MYO5A: variants seen among roughly 807,000 people sequenced by gnomAD.
MYO5A encodes the protein unconventional myosin-Va.
A neutral mutation model predicts 249.7 loss-of-function variants in MYO5A; 98 were observed. The observed-to-expected ratio is 0.39, with a 90% CI of 0.33 to 0.46. The LOEUF (loss-of-function observed/expected upper bound fraction) is 0.46, where lower values mean the gene tolerates loss of function less well. Ranked by LOEUF, MYO5A falls within the 20% of genes least tolerant of loss-of-function variation. MYO5A has a pLI of 0.98. For synonymous variants in MYO5A, 778 were observed against 810.6 expected (o/e 0.96, Z 0.68); for missense variants, 1,696 against 2,308.8 (o/e 0.73, Z 5.44).
intron 1 of MYO5A, among the ~76,000 whole-genome samples, chr15:52,495,905 G>C (rs946183086): frequency 6.6e-6 from 1 of 151,924 alleles, no homozygotes; most frequent in African/African-American, 2.4e-5. Flanking sequence ...CCTCAGGGTG[G>C]GGAACATCAC....
At chr15:52,366,229 C>T (rs561975303) in intron 23 of MYO5A, among the ~76,000 whole-genome samples, 3 of 152,284 alleles carry the variant, frequency 2.0e-5, no homozygotes, top group African/African-American at 7.2e-5. Flanking sequence ...ATTAATTTGC[C>T]TCATAAATGT....
At chr15:52,505,263 C>T in intron 1 of MYO5A, 1 of 775,914 alleles carries the variant, frequency 1.3e-6, no homozygotes, top group South Asian at 1.3e-5. Flanking sequence ...AGAGCTACAT[C>T]AAGGGGTATG....
chr15:52,313,875 C>T, intron 41 of MYO5A, 27 bp from the exon 42 acceptor site: 7 of 1,612,358 alleles, frequency 4.3e-6, no homozygotes, highest in Non-Finnish European at 5.9e-6. Context: ...AAAAAATAAA[C>T]AGAGCATCAG....
chr15:52,349,975 C>CA (rs1305899494), intron 28 of MYO5A, among the ~76,000 whole-genome samples: 1 of 152,230 alleles, frequency 6.6e-6, no homozygotes, highest in African/African-American at 2.4e-5. Flanking sequence ...CTCTATCGCC[C>CA]AGGCGGGAGC....
At chr15:52,333,967 T>C (rs934274986) in intron 34 of MYO5A, among the ~76,000 whole-genome samples, 1 of 152,246 alleles carries the variant, frequency 6.6e-6, no homozygotes, top group Non-Finnish European at 1.5e-5. Flanking sequence ...CATAAATCTA[T>C]TTCATTTCAT....
Position 52,405,404 on chromosome 15 carries a change from A to C in MYO5A, c.947-11T>G. The C allele has an allele frequency of 6.4e-7, 1 of 1,554,490 alleles. No individual in the cohort carries two copies. The highest frequency in any genetic ancestry group is 1.4e-5 in the African/African-American group (1 of 73,760). On this transcript the variant is annotated splice_polypyrimidine_tract_variant and intron_variant, in intron 8 of 41. Transcript: ENST00000399233. ...GAGATTCACTAATTCCTGAAACAAG[A>C]GAGTGAATGAACAAGTGATTAATTT... is the stretch of plus-strand genomic sequence containing the variant.
intron 1 of MYO5A, among the ~76,000 whole-genome samples, chr15:52,526,957 C>G (rs150218319): frequency 1.8e-4 from 27 of 152,142 alleles, no homozygotes; most frequent in African/African-American, 6.3e-4. Context: ...CCCTGGGCCA[C>G]ACTGGAAGAA....
intron 1 of MYO5A, among the ~76,000 whole-genome samples, chr15:52,517,698 C>T (rs1277262505): frequency 1.3e-5 from 2 of 151,970 alleles, no homozygotes; most frequent in Non-Finnish European, 1.5e-5. Context: ...GCAACAAGAG[C>T]GAAACTCCGT....
chr15:52,466,353 CTG>C (rs1245350579), intron 1 of MYO5A, among the ~76,000 whole-genome samples: 1 of 152,110 alleles, frequency 6.6e-6, no homozygotes, highest in Non-Finnish European at 1.5e-5. Context: ...GGTGCTGAAA[CTG>C]GGCTCCCCCC....
intron 1 of MYO5A, among the ~76,000 whole-genome samples, chr15:52,469,011 T>C (rs539960022): frequency 6.6e-6 from 1 of 152,324 alleles, no homozygotes; most frequent in East Asian, 1.9e-4. Flanking sequence ...AAAGTTCATA[T>C]ATAAAATTTT....
intron 32 of MYO5A, among the ~76,000 whole-genome samples, chr15:52,338,897 C>G (rs1274964528): frequency 6.6e-6 from 1 of 152,088 alleles, no homozygotes; most frequent in African/African-American, 2.4e-5. Context: ...ACTTGTATGC[C>G]AATCAATCAA....
intron 5 of MYO5A, among the ~76,000 whole-genome samples, chr15:52,413,596 G>A (rs1478271773): frequency 6.6e-6 from 1 of 152,060 alleles, no homozygotes; most frequent in Non-Finnish European, 1.5e-5. Flanking sequence ...TCAGCAAAGG[G>A]CTCTGATATA....
chr15:52,486,604 A>C (rs2076825938), intron 1 of MYO5A, among the ~76,000 whole-genome samples: 1 of 152,152 alleles, frequency 6.6e-6, no homozygotes, highest in Non-Finnish European at 1.5e-5. Flanking sequence ...ACTCTTGGGG[A>C]TTTTTTGTTT....
chr15:52,338,275 T>C (rs1596310814), intron 32 of MYO5A, among the ~76,000 whole-genome samples: 1 of 138,660 alleles, frequency 7.2e-6, no homozygotes, highest in African/African-American at 2.7e-5. Context: ...ATAGGGGAGG[T>C]AAATATAATA....
Position 52,497,756 on chromosome 15 carries a change from CAAAAAAAAAA to C in MYO5A, c.27+31014_27+31023del, listed in dbSNP as rs35145185. ...TGGGCAACAGAGTGAGACTCTGTCT[CAAAAAAAAAA>C]AAAAAAAAAAAGAAGCAGAAGAAGA... is the stretch of plus-strand genomic sequence containing the variant. On this transcript the variant is annotated intron_variant, in intron 1 of 41. Transcript: ENST00000399233. Among the ~76,000 whole-genome samples, 70 of 62,688 alleles carry C rather than the reference CAAAAAAAAAA, an allele frequency of 1.1e-3. 1 individual carries two copies. The East Asian group carries it at 0.014, about 13-fold the overall frequency. 41.1% of individuals were successfully genotyped at this position (62,688 alleles called of 152,430 possible). A position where few individuals can be genotyped will look rare whatever the true frequency, so the allele number is the denominator to read the frequency against.
chr15:52,453,834 C>T (rs2076067730), intron 1 of MYO5A, among the ~76,000 whole-genome samples: 1 of 151,820 alleles, frequency 6.6e-6, no homozygotes, highest in Non-Finnish European at 1.5e-5. Context: ...CTATAAGTCT[C>T]ATGGTAACTA....
rs200340705 is a variant in MYO5A, at chr15:52,336,592, G to A, written c.4315-36C>T. 2.0e-4 allele frequency: 292 copies of A among 1,442,276 alleles called. 2 individuals are homozygous for A. The African/African-American group carries it at 3.8e-3, about 19-fold the overall frequency. 89.3% of individuals were successfully genotyped at this position (1,442,276 alleles called of 1,614,324 possible). On this transcript the variant is annotated intron_variant, in intron 33 of 41. Coordinates refer to ENST00000399233, the MANE Select transcript of MYO5A (RefSeq NM_001382347.1). ...AAAAGAGAAATATATTAGAAAAATC[G>A]AAACAGGCCTTCTAAAATGCATCAA... is the stretch of plus-strand genomic sequence containing the variant.
At chr15:52,460,676 C>T (rs530737957) in intron 1 of MYO5A, among the ~76,000 whole-genome samples, 2 of 152,038 alleles carry the variant, frequency 1.3e-5, no homozygotes, top group East Asian at 1.9e-4. Context: ...AGGGCGAGGG[C>T]GAGGCTCCAG....
chr15:52,382,619 T>TA (rs1413396029), intron 16 of MYO5A, among the ~76,000 whole-genome samples: 2 of 151,978 alleles, frequency 1.3e-5, no homozygotes, highest in African/African-American at 2.4e-5. Context: ...TTCTGTTTTG[T>TA]AAAAAAAACT....
Sources: allele counts gnomAD v4.1 joint callset (sites outside exome capture counted in the v4.1 genomes callset), GRCh38; gene constraint gnomAD v4.1.1; transcripts MANE v1.5; gene names NCBI Gene and HGNC (gene_info 2026-07-23, HGNC 2026-07-21).